Variants in RPSA2 observed in about 807,000 individuals in gnomAD.
RPSA2 encodes the protein small ribosomal subunit protein uS2B.
chr19:23,761,911 T>TC, the RPSA2 span, among the ~76,000 whole-genome samples: 3 of 24,116 alleles, frequency 1.2e-4, no homozygotes, highest in Non-Finnish European at 2.1e-4. Context: ...ATTCTTTCTT[T>TC]CTTTCTTTCT....
chr19:23,785,231 G>A, the RPSA2 span, among the ~76,000 whole-genome samples: 1 of 152,158 alleles, frequency 6.6e-6, no homozygotes, highest in Admixed American at 6.6e-5. Flanking sequence ...CCTTGGTGCT[G>A]TGCACAAGTT....
At chr19:23,869,428 G>A in the RPSA2 span, among the ~76,000 whole-genome samples, 66 of 152,124 alleles carry the variant, frequency 4.3e-4, no homozygotes, top group Non-Finnish European at 5.9e-5. Flanking sequence ...CCCCAACTGT[G>A]CTGACTATAT....
the RPSA2 span, among the ~76,000 whole-genome samples, chr19:23,852,354 A>T: frequency 1.1e-4 from 17 of 152,188 alleles, no homozygotes; most frequent in Admixed American, 1.1e-3. Context: ...AGACACACAC[A>T]CACACACACA....
At chr19:23,829,437 G>A in the RPSA2 span, among the ~76,000 whole-genome samples, 1,807 of 152,278 alleles carry the variant, frequency 0.012, 41 homozygotes, top group African/African-American at 0.04. Flanking sequence ...GAGTAGCTGA[G>A]ATTACAGGCA....
At chr19:23,849,869 T>A in the RPSA2 span, among the ~76,000 whole-genome samples, 8 of 152,280 alleles carry the variant, frequency 5.3e-5, no homozygotes, top group East Asian at 1.5e-3. Context: ...TAGGACATAG[T>A]TTTCCTACAG....
chr19:23,807,522 G>C, the RPSA2 span, among the ~76,000 whole-genome samples: 2 of 152,070 alleles, frequency 1.3e-5, no homozygotes, highest in Non-Finnish European at 2.9e-5. Context: ...AACTCATTCT[G>C]TATTATGTAA....
the RPSA2 span, among the ~76,000 whole-genome samples, chr19:23,813,336 A>G: frequency 6.6e-6 from 1 of 152,058 alleles, no homozygotes; most frequent in Non-Finnish European, 1.5e-5. Context: ...CTAAGACTCA[A>G]TATCCATTAA....
chr19:23,835,246 G>A, the RPSA2 span, among the ~76,000 whole-genome samples: 1 of 151,856 alleles, frequency 6.6e-6, no homozygotes, highest in Non-Finnish European at 1.5e-5. Flanking sequence ...GCCTTTGCCT[G>A]CAAGCACATA....
the RPSA2 span, among the ~76,000 whole-genome samples, chr19:23,862,267 G>T: frequency 6.6e-6 from 1 of 151,776 alleles, no homozygotes; most frequent in African/African-American, 2.4e-5. Flanking sequence ...TCAGCTTAAG[G>T]AGATTTTGGG....
At chr19:23,831,117 TG>T in the RPSA2 span, among the ~76,000 whole-genome samples, 20 of 152,162 alleles carry the variant, frequency 1.3e-4, 1 homozygote, top group African/African-American at 4.8e-5. Flanking sequence ...CTTTTTTTTT[TG>T]GTCTCAGCTG....
At chr19:23,794,478 G>A in the RPSA2 span, among the ~76,000 whole-genome samples, 12 of 152,190 alleles carry the variant, frequency 7.9e-5, no homozygotes, top group African/African-American at 1.7e-4. Flanking sequence ...TGTTAGCCAC[G>A]TTTGTCTTCT....
the RPSA2 span, among the ~76,000 whole-genome samples, chr19:23,849,110 A>G: frequency 1.3e-5 from 2 of 152,350 alleles, no homozygotes; most frequent in Non-Finnish European, 1.5e-5. Flanking sequence ...AAGTGTATAA[A>G]TGACAATTAA....
the RPSA2 span, among the ~76,000 whole-genome samples, chr19:23,830,996 T>C: frequency 6.6e-6 from 1 of 152,204 alleles, no homozygotes; most frequent in Non-Finnish European, 1.5e-5. Context: ...TGAAATTTTG[T>C]GTTTAATTTT....
At chr19:23,797,024 T>G in the RPSA2 span, among the ~76,000 whole-genome samples, 1 of 136,954 alleles carries the variant, frequency 7.3e-6, no homozygotes, top group Non-Finnish European at 1.7e-5. Context: ...TTTTTTAGCA[T>G]TAAATGCTAT....
the RPSA2 span, among the ~76,000 whole-genome samples, chr19:23,844,049 G>A: frequency 8.5e-5 from 13 of 152,222 alleles, no homozygotes; most frequent in African/African-American, 2.2e-4. Context: ...GTGAACCACC[G>A]CACCTGGCCT....
At chr19:23,787,501 C>T in the RPSA2 span, among the ~76,000 whole-genome samples, 1 of 151,434 alleles carries the variant, frequency 6.6e-6, no homozygotes, top group African/African-American at 2.4e-5. Context: ...CCCAGCTACT[C>T]AAGAGGCTGA....
At chr19:23,831,956 G>C in the RPSA2 span, 4 of 363,306 alleles carry the variant, frequency 1.1e-5, no homozygotes, top group Non-Finnish European at 2.3e-5. Flanking sequence ...ATTTATACTA[G>C]AGAGAAGTCC....
At chr19:23,779,395 A>T in the RPSA2 span, among the ~76,000 whole-genome samples, 2 of 151,978 alleles carry the variant, frequency 1.3e-5, no homozygotes, top group Non-Finnish European at 2.9e-5. Flanking sequence ...ACTGGGCCTA[A>T]CACCTAGGTG....
At chr19:23,861,839 C>T in the RPSA2 span, among the ~76,000 whole-genome samples, 1 of 152,038 alleles carries the variant, frequency 6.6e-6, no homozygotes, top group Non-Finnish European at 1.5e-5. Context: ...TATATTCTTC[C>T]CTTGGTTTGA....
Sources: allele counts gnomAD v4.1 joint callset (sites outside exome capture counted in the v4.1 genomes callset), GRCh38; gene constraint gnomAD v4.1.1; transcripts MANE v1.5; gene names NCBI Gene and HGNC (gene_info 2026-07-23, HGNC 2026-07-21).